TNFRSF19: variants seen among roughly 807,000 people sequenced by gnomAD.
TNFRSF19 encodes tumor necrosis factor receptor superfamily member 19.
TNFRSF19 carries 27 observed loss-of-function variants against 46.4 expected under a neutral mutation model. The observed-to-expected ratio is 0.58, with a 90% CI of 0.43 to 0.80. TNFRSF19 has a LOEUF of 0.80. Among genes scored for constraint, TNFRSF19 ranks in the 30% least tolerant of loss-of-function variants. The pLI, the probability that TNFRSF19 is intolerant of heterozygous loss-of-function variation, is 0.00. For missense variants in TNFRSF19, 511 were observed against 530.8 expected, an observed-to-expected ratio of 0.96 and a Z score of 0.37; for synonymous variants, 204 against 205.0, an observed-to-expected ratio of 1.00 and a Z score of 0.04.
intron 9 of TNFRSF19, among the ~76,000 whole-genome samples, chr13:23,670,833 G>T (rs577275467): frequency 6.6e-6 from 1 of 152,342 alleles, no homozygotes; most frequent in Admixed American, 6.5e-5. Context: ...CATGTCTAGT[G>T]CATCATCCGT....
At chr13:23,602,042 A>G (rs953392694) in intron 3 of TNFRSF19, among the ~76,000 whole-genome samples, 1 of 152,160 alleles carries the variant, frequency 6.6e-6, no homozygotes, top group African/African-American at 2.4e-5. Flanking sequence ...AATCATTTTC[A>G]GTGTCAGTGA....
intron 7 of TNFRSF19, among the ~76,000 whole-genome samples, chr13:23,665,303 T>C (rs1344212095): frequency 6.6e-6 from 1 of 152,186 alleles, no homozygotes; most frequent in Non-Finnish European, 1.5e-5. Flanking sequence ...TTGTATAAAC[T>C]CTGCCTCACC....
chr13:23,672,842 T>C (rs1593308856), intron 9 of TNFRSF19, among the ~76,000 whole-genome samples: 1 of 152,256 alleles, frequency 6.6e-6, no homozygotes, highest in African/African-American at 2.4e-5. Flanking sequence ...GTGAGTATGC[T>C]AGGGAGATTG....
At chr13:23,641,819 A>T (rs1469919313) in intron 5 of TNFRSF19, among the ~76,000 whole-genome samples, 3 of 152,218 alleles carry the variant, frequency 2.0e-5, no homozygotes, top group African/African-American at 7.2e-5. Flanking sequence ...CATCCAGATA[A>T]ATTTGTTGCA....
In TNFRSF19 at chr13:23,675,068, G is replaced by A. The variant is rs183898407; in HGVS notation, c.*1688G>A. ...TAGTCATAATTAATTGACTTTTCCT[G>A]TATTACTTCTTTTTTTAAGTATAAA... On this transcript the variant is annotated 3_prime_UTR_variant, in exon 10 of 10. Coordinates refer to ENST00000248484, the MANE Select transcript of TNFRSF19 (RefSeq NM_148957.4). 2 of 152,248 alleles carry A rather than the reference G, an allele frequency of 1.3e-5. No homozygotes were observed. Among genetic ancestry groups the A allele is most frequent in the Admixed American group, 1.3e-4 (2 of 15,292 alleles). 9.4% of individuals were successfully genotyped at this position (152,248 alleles called of 1,614,324 possible).
chr13:23,576,084 C>G (rs1242066461), intron 1 of TNFRSF19, among the ~76,000 whole-genome samples: 2 of 151,718 alleles, frequency 1.3e-5, no homozygotes, highest in Non-Finnish European at 2.9e-5. Flanking sequence ...GCTCCCAGTC[C>G]TAATTACAAG....
chr13:23,600,455 T>A (rs375917331), intron 3 of TNFRSF19, among the ~76,000 whole-genome samples: 8 of 152,268 alleles, frequency 5.3e-5, no homozygotes, highest in African/African-American at 1.9e-4. Context: ...TAGAGCACCC[T>A]CCCATGCTTT....
intron 3 of TNFRSF19, among the ~76,000 whole-genome samples, chr13:23,594,668 G>T (rs1879572472): frequency 6.6e-6 from 1 of 152,238 alleles, no homozygotes; most frequent in Non-Finnish European, 1.5e-5. Context: ...TTCAGGGAAG[G>T]GGTGGCTGTG....
At chr13:23,622,766 T>G (rs969381705) in intron 4 of TNFRSF19, among the ~76,000 whole-genome samples, 1 of 152,216 alleles carries the variant, frequency 6.6e-6, no homozygotes, top group African/African-American at 2.4e-5. Flanking sequence ...TGAGTTTTTA[T>G]GTATAAAACA....
chr13:23,647,249 T>C (rs1427835740), intron 5 of TNFRSF19, among the ~76,000 whole-genome samples: 1 of 152,224 alleles, frequency 6.6e-6, no homozygotes, highest in Non-Finnish European at 1.5e-5. Flanking sequence ...ATGTCCTTGA[T>C]GGTGTCCTTT....
intron 5 of TNFRSF19, among the ~76,000 whole-genome samples, chr13:23,635,468 T>C (rs893858455): frequency 1.3e-5 from 2 of 151,262 alleles, no homozygotes; most frequent in African/African-American, 4.9e-5. Context: ...AACCTCTGCC[T>C]CCCAGGTTCA....
intron 5 of TNFRSF19, among the ~76,000 whole-genome samples, chr13:23,653,818 T>C (rs536147643): frequency 6.6e-6 from 1 of 152,346 alleles, no homozygotes; most frequent in East Asian, 1.9e-4. Context: ...TCAAGTATCC[T>C]ACTTCATCTT....
chr13:23,643,987 A>T lies in TNFRSF19; in HGVS notation c.446-15063A>T, dbSNP rs61946375. Among the ~76,000 whole-genome samples the T allele has an allele frequency of 4.1e-3, 628 of 152,376 alleles. 2 individuals carry two copies. The highest frequency in any genetic ancestry group is 7.4e-3 in the Non-Finnish European group (503 of 68,040). On this transcript the variant is annotated intron_variant, in intron 5 of 9. Coordinates refer to ENST00000248484, the MANE Select transcript of TNFRSF19 (RefSeq NM_148957.4). Reference sequence around the variant, plus strand: ...CTCTTAGGAGTGAGTTCTGCTCACAATGAAAGCATAGTTATGAATCATCAG... The same window carrying T: ...CTCTTAGGAGTGAGTTCTGCTCACATTGAAAGCATAGTTATGAATCATCAG...
intron 1 of TNFRSF19, among the ~76,000 whole-genome samples, chr13:23,577,900 G>C (rs573053088): frequency 6.6e-6 from 1 of 152,328 alleles, no homozygotes; most frequent in African/African-American, 2.4e-5. Context: ...TGAAAGGCGG[G>C]AAGCGGGGTT....
intron 3 of TNFRSF19, among the ~76,000 whole-genome samples, chr13:23,607,474 T>C (rs1880591608): frequency 6.6e-6 from 1 of 152,162 alleles, no homozygotes; most frequent in Admixed American, 6.5e-5. Flanking sequence ...ACCTTTTAAT[T>C]TGTAATTAAA....
chr13:23,578,231 G>C (rs3814787), intron 1 of TNFRSF19, among the ~76,000 whole-genome samples: 45,025 of 151,998 alleles, frequency 0.3, 6,773 homozygotes, highest in South Asian at 0.34. Context: ...TGGGAGATGG[G>C]ACAGGGAAGC....
At chr13:23,670,276 C>T (rs896387506) in intron 9 of TNFRSF19, among the ~76,000 whole-genome samples, 2 of 152,168 alleles carry the variant, frequency 1.3e-5, no homozygotes, top group African/African-American at 4.8e-5. Flanking sequence ...CTCACTGCAG[C>T]CTCGTCCTCC....
intron 1 of TNFRSF19, among the ~76,000 whole-genome samples, chr13:23,578,116 T>A (rs767941198): frequency 7.2e-5 from 11 of 152,094 alleles, no homozygotes; most frequent in Non-Finnish European, 1.5e-4. Flanking sequence ...CCTCGGGAGA[T>A]CCAGGTGTAG....
At chr13:23,642,647 G>A (rs1257485210) in intron 5 of TNFRSF19, among the ~76,000 whole-genome samples, 1 of 152,150 alleles carries the variant, frequency 6.6e-6, no homozygotes, top group African/African-American at 2.4e-5. Context: ...AAGGAAAGAG[G>A]GATGATGGCC....
Sources: allele counts gnomAD v4.1 joint callset (sites outside exome capture counted in the v4.1 genomes callset), GRCh38; gene constraint gnomAD v4.1.1; transcripts MANE v1.5; gene names NCBI Gene and HGNC (gene_info 2026-07-23, HGNC 2026-07-21).